Variants in AFAP1L2 observed in about 807,000 individuals in gnomAD.
AFAP1L2 encodes the protein actin filament-associated protein 1-like 2.
AFAP1L2 carries 46 observed loss-of-function variants against 99.3 expected under a neutral mutation model. The observed-to-expected ratio is 0.46, with a 90% confidence interval of 0.37 to 0.59. The LOEUF (loss-of-function observed/expected upper bound fraction) is 0.59. AFAP1L2 is among the 20% of genes least tolerant of loss of function. AFAP1L2 has a pLI of 0.00. For missense variants in AFAP1L2, 959 were observed against 1,034.9 expected, an observed-to-expected ratio of 0.93 and a Z score of 1.01; for synonymous variants, 397 against 419.1, an observed-to-expected ratio of 0.95 and a Z score of 0.64.
chr10:114,315,560 C>T lies in AFAP1L2; in HGVS notation c.612G>A (p.Leu204=). The part of the protein sequence containing the change: ...QLCVIKDNRL[L]CYKSSKDHSP... ...ACAAGACGACGTAAGGCAGACTGAC[C>T]AGAAGCCTGTTGTCCTTGATGACAC... is the stretch of plus-strand genomic sequence containing the variant. Residue 204 remains leucine, a splice_region_variant and synonymous_variant, in exon 6 of 19, where the codon CTG becomes CTA. Coordinates refer to ENST00000304129, the MANE Select transcript of AFAP1L2 (RefSeq NM_001001936.3). 6.2e-7 allele frequency: 1 copy of T among 1,613,996 alleles called. No individual in the cohort carries two copies. The highest frequency in any genetic ancestry group is 8.5e-7 in the Non-Finnish European group (1 of 1,179,974).
rs80159098 is a variant in AFAP1L2, at chr10:114,323,333, G to C, written c.316-72C>G. On this transcript the variant is annotated intron_variant, in intron 4 of 18. Coordinates refer to ENST00000304129, the MANE Select transcript of AFAP1L2 (RefSeq NM_001001936.3). ...GGGAGCAACTTGGAAATAACTCTTCGGGTGGAAGTCTAGAAGACAAAAATG... is the reference window on the plus strand; with the variant it reads ...GGGAGCAACTTGGAAATAACTCTTCCGGTGGAAGTCTAGAAGACAAAAATG... 1.4e-4 allele frequency: 190 copies of C among 1,375,752 alleles called. 1 individual carries two copies. In the African/African-American group the frequency reaches 2.3e-3, roughly 17 times the overall value. The allele number at this position is 1,375,752 out of a possible 1,614,324, so 85.2% of individuals were successfully genotyped here.
At chr10:114,347,774 G>A (rs2049822950) in intron 1 of AFAP1L2, among the ~76,000 whole-genome samples, 1 of 152,118 alleles carries the variant, frequency 6.6e-6, no homozygotes, top group African/African-American at 2.4e-5. Context: ...GCCTCCCAAA[G>A]AGTGTGAGCC....
At chr10:114,382,029 G>A (rs899486869) in intron 1 of AFAP1L2, among the ~76,000 whole-genome samples, 1 of 152,172 alleles carries the variant, frequency 6.6e-6, no homozygotes, top group Non-Finnish European at 1.5e-5. Context: ...ATTTGTTGAT[G>A]AAGGTTTGGG....
At chr10:114,285,921 T>G in the AFAP1L2 span, 2 of 1,568,062 alleles carry the variant, frequency 1.3e-6, no homozygotes, top group Non-Finnish European at 1.7e-6. Flanking sequence ...ACAGTGGGTG[T>G]TGCTGTGATC....
At chr10:114,323,094 C>T (rs767673464) in intron 5 of AFAP1L2, 77 bp downstream of exon 5, 30 of 1,325,444 alleles carry the variant, frequency 2.3e-5, no homozygotes, top group Non-Finnish European at 2.9e-5. Flanking sequence ...GTATCTGTTA[C>T]CCCCAGGTAA....
At chr10:114,387,780 A>G (rs573013372) in intron 1 of AFAP1L2, among the ~76,000 whole-genome samples, 1 of 152,340 alleles carries the variant, frequency 6.6e-6, no homozygotes, top group Admixed American at 6.5e-5. Flanking sequence ...GACCTCAGAC[A>G]GTCTGAACAG....
the AFAP1L2 span, among the ~76,000 whole-genome samples, chr10:114,283,836 C>T: frequency 2.0e-5 from 3 of 152,214 alleles, no homozygotes; most frequent in South Asian, 4.1e-4. Context: ...GCAGCCCCAG[C>T]GAAGTGCCTA....
chr10:114,303,326 A>AAGAC (rs756861882), intron 11 of AFAP1L2, among the ~76,000 whole-genome samples: 1 of 152,066 alleles, frequency 6.6e-6, no homozygotes, highest in Non-Finnish European at 1.5e-5. Context: ...TTTTATTTTA[A>AAGAC]AGACAGAATC....
chr10:114,372,816 ATATT>A (rs1401839781), intron 1 of AFAP1L2, among the ~76,000 whole-genome samples: 1 of 152,164 alleles, frequency 6.6e-6, no homozygotes, highest in African/African-American at 2.4e-5. Context: ...CCTATGCATA[ATATT>A]CTCTACATAA....
chr10:114,284,326 A>G, the AFAP1L2 span, among the ~76,000 whole-genome samples: 3 of 152,174 alleles, frequency 2.0e-5, no homozygotes, highest in African/African-American at 7.2e-5. Flanking sequence ...CAATAACCCC[A>G]CAGAACAAGT....
intron 1 of AFAP1L2, among the ~76,000 whole-genome samples, chr10:114,383,858 G>A (rs1056891038): frequency 2.0e-5 from 3 of 152,160 alleles, no homozygotes; most frequent in Non-Finnish European, 2.9e-5. Flanking sequence ...TTGCCAACAC[G>A]TAGCCCGCAG....
intron 5 of AFAP1L2, among the ~76,000 whole-genome samples, chr10:114,318,134 T>C (rs1485538650): frequency 6.6e-6 from 1 of 152,218 alleles, no homozygotes; most frequent in Non-Finnish European, 1.5e-5. Context: ...GTTGATTTGA[T>C]GGGTAGTAGG....
chr10:114,302,422 C>A lies in AFAP1L2; in HGVS notation c.1347G>T (p.Lys449Asn). 1 of 1,614,190 alleles carries A rather than the reference C, an allele frequency of 6.2e-7. No homozygotes were observed. Among genetic ancestry groups the A allele is most frequent in the Non-Finnish European group, 8.5e-7 (1 of 1,180,036 alleles). ...CGTAGGTGAACTCTTCTGGGTCTGT[C>A]TTGGAGCCTGACTCAGAGAGCAGGA... is the stretch of plus-strand genomic sequence containing the variant. ...LGLLLSESGS[K>N]TDPEEFTYDY... The change falls in exon 12 of 19, where the codon AAG becomes AAT. Residue 449 changes from lysine (K) to asparagine (N), a missense_variant. Lys to Asn is a moderately conservative substitution (Grantham distance 94). This residue lies in a region of AFAP1L2 where 576 missense variants were observed against 562.1 expected (regional missense o/e 1.02). Coordinates refer to ENST00000304129, the MANE Select transcript of AFAP1L2 (RefSeq NM_001001936.3).
chr10:114,333,951 T>G (rs2047572171), intron 2 of AFAP1L2, among the ~76,000 whole-genome samples: 1 of 152,230 alleles, frequency 6.6e-6, no homozygotes, highest in African/African-American at 2.4e-5. Context: ...TAGTCTGAAT[T>G]ACTTGAATGG....
intron 1 of AFAP1L2, among the ~76,000 whole-genome samples, chr10:114,364,690 G>A (rs867877102): frequency 5.3e-5 from 8 of 152,216 alleles, no homozygotes; most frequent in Middle Eastern, 6.8e-3. Context: ...GTCTTTGAGG[G>A]GAATACAGTT....
At chr10:114,399,696 C>A (rs1043457425) in intron 1 of AFAP1L2, among the ~76,000 whole-genome samples, 1 of 152,136 alleles carries the variant, frequency 6.6e-6, no homozygotes, top group African/African-American at 2.4e-5. Flanking sequence ...GAAATGAATT[C>A]CTCACATGGC....
rs10536165 is a variant in AFAP1L2, at chr10:114,294,856, CCTAA to C, written c.*1182_*1185del. The C allele has an allele frequency of 0.87, 856,049 of 981,400 alleles. 379,493 individuals carry two copies. Among genetic ancestry groups the C allele is most frequent in the East Asian group, 0.98 (8,574 of 8,754 alleles). The allele number at this position is 981,400 out of a possible 1,614,324, so 60.8% of individuals were successfully genotyped here. A position where few individuals can be genotyped will look rare whatever the true frequency, so the allele number is the denominator to read the frequency against. On this transcript the variant is annotated 3_prime_UTR_variant, in exon 19 of 19. Coordinates refer to ENST00000304129, the MANE Select transcript of AFAP1L2 (RefSeq NM_001001936.3). The stretch of plus-strand genomic sequence containing the variant: ...ACAATGAACATTTTATTTTAAAAAA[CCTAA>C]CTAACTCACCACTTGGTAAAAGGTC...
At chr10:114,327,519 G>C (rs1367480053) in intron 4 of AFAP1L2, among the ~76,000 whole-genome samples, 1 of 152,090 alleles carries the variant, frequency 6.6e-6, no homozygotes, top group African/African-American at 2.4e-5. Flanking sequence ...GGGACTGCGT[G>C]AGCGAGTCAG....
At chr10:114,388,684 C>G (rs954994860) in intron 1 of AFAP1L2, among the ~76,000 whole-genome samples, 1 of 152,184 alleles carries the variant, frequency 6.6e-6, no homozygotes, top group Non-Finnish European at 1.5e-5. Context: ...GTGTGAATAC[C>G]TGGATATTCT....
Sources: allele counts gnomAD v4.1 joint callset (sites outside exome capture counted in the v4.1 genomes callset), GRCh38; gene constraint gnomAD v4.1.1; regional missense constraint gnomAD v4.1.1; transcripts MANE v1.5; gene names NCBI Gene and HGNC (gene_info 2026-07-23, HGNC 2026-07-21).